FGF14: variants seen among roughly 807,000 people sequenced by gnomAD.
The protein encoded by FGF14 is fibroblast growth factor homologous factor 4.
A neutral mutation model predicts 25.5 loss-of-function variants in FGF14; 5 were observed. The observed-to-expected ratio is 0.20, with a 90% CI of 0.10 to 0.41. FGF14 has a LOEUF of 0.41. FGF14 is among the 10% of genes least tolerant of loss of function. The probability of loss-of-function intolerance (pLI) is 1.00; values close to 1 mark genes in which losing one functional copy is unlikely to be tolerated. For synonymous variants in FGF14, 138 were observed against 118.3 expected, an observed-to-expected ratio of 1.17 and a Z score of -1.08; for missense variants, 222 against 320.1, an observed-to-expected ratio of 0.69 and a Z score of 2.34.
chr13:102,371,865 G>A (rs1233144806), intron 1 of FGF14, among the ~76,000 whole-genome samples: 1 of 151,998 alleles, frequency 6.6e-6, no homozygotes, highest in Non-Finnish European at 1.5e-5. Flanking sequence ...TTTAAACAAA[G>A]AATAATCAAA....
At chr13:102,240,858 C>A (rs1234536180) in intron 1 of FGF14, among the ~76,000 whole-genome samples, 1 of 151,998 alleles carries the variant, frequency 6.6e-6, no homozygotes, top group Non-Finnish European at 1.5e-5. Context: ...TTTTTACCCT[C>A]TTATTTAAAA....
chr13:101,840,230 T>C (rs946935429), intron 3 of FGF14, among the ~76,000 whole-genome samples: 1 of 151,968 alleles, frequency 6.6e-6, no homozygotes, highest in Admixed American at 6.6e-5. Context: ...TATAAACTAG[T>C]TTTCAGTTAT....
At chr13:102,217,536 C>T (rs73565602) in intron 1 of FGF14, among the ~76,000 whole-genome samples, 4,727 of 152,184 alleles carry the variant, frequency 0.031, 244 homozygotes, top group African/African-American at 0.11. Flanking sequence ...GATGAATAGG[C>T]ATTTCAATGC....
intron 2 of FGF14, among the ~76,000 whole-genome samples, chr13:101,870,879 G>A (rs760893293): frequency 1.8e-4 from 28 of 152,050 alleles, no homozygotes; most frequent in Non-Finnish European, 3.4e-4. Flanking sequence ...CTTGAACCTG[G>A]GAGGTGAAGG....
intron 1 of FGF14, among the ~76,000 whole-genome samples, chr13:101,899,871 A>T (rs533664430): frequency 6.6e-6 from 1 of 152,118 alleles, no homozygotes; most frequent in South Asian, 2.1e-4. Flanking sequence ...AAAGTAAATT[A>T]AAAAATAAAA....
intron 1 of FGF14, among the ~76,000 whole-genome samples, chr13:102,325,161 T>C (rs1193021132): frequency 6.6e-6 from 1 of 151,660 alleles, no homozygotes; most frequent in African/African-American, 2.4e-5. Flanking sequence ...AGCTGTCAAA[T>C]AGCCTACAGA....
intron 1 of FGF14, among the ~76,000 whole-genome samples, chr13:102,058,322 C>T (rs1566630571): frequency 1.3e-5 from 2 of 152,314 alleles, no homozygotes; most frequent in East Asian, 1.9e-4. Context: ...AAAATCTAAA[C>T]ACATTCTCCC....
intron 1 of FGF14, among the ~76,000 whole-genome samples, chr13:102,012,493 T>C (rs762992864): frequency 6.6e-6 from 1 of 152,090 alleles, no homozygotes; most frequent in African/African-American, 2.4e-5. Flanking sequence ...CCAAAGCTTG[T>C]CATTTGGGGG....
At chr13:102,236,395 T>G (rs1406230717) in intron 1 of FGF14, among the ~76,000 whole-genome samples, 2 of 152,138 alleles carry the variant, frequency 1.3e-5, no homozygotes, top group Non-Finnish European at 2.9e-5. Context: ...TTCAACAGAC[T>G]CAGGAAGACT....
chr13:102,113,545 T>C lies in FGF14; in HGVS notation c.209-238249A>G, dbSNP rs72665312. Among the ~76,000 whole-genome samples the C allele has an allele frequency of 5.5e-3, 842 of 152,358 alleles. 4 individuals are homozygous for C. Among genetic ancestry groups the C allele is most frequent in the Non-Finnish European group, 6.8e-3 (462 of 68,032 alleles). On this transcript the variant is annotated intron_variant, in intron 1 of 4. Coordinates refer to the FGF14 transcript ENST00000376131. ...GTTGTCAATATATCTATATTCTACA[T>C]TGACTCCACCTAAAACTTTGAGTTA... is the stretch of plus-strand genomic sequence containing the variant.
At chr13:101,926,324 A>G (rs559900902) in intron 1 of FGF14, among the ~76,000 whole-genome samples, 5 of 152,198 alleles carry the variant, frequency 3.3e-5, no homozygotes, top group Non-Finnish European at 5.9e-5. Flanking sequence ...TCCTACCAAC[A>G]TAATTTTTTA....
chr13:102,307,600 T>C (rs2055465139), intron 1 of FGF14, among the ~76,000 whole-genome samples: 1 of 152,200 alleles, frequency 6.6e-6, no homozygotes, highest in African/African-American at 2.4e-5. Context: ...GTACTTGTTA[T>C]TGTACTAAGT....
At chr13:102,353,669 C>A (rs1420139407) in intron 1 of FGF14, among the ~76,000 whole-genome samples, 2 of 152,168 alleles carry the variant, frequency 1.3e-5, no homozygotes, top group South Asian at 4.1e-4. Context: ...TCCATCCTCA[C>A]TTCCTGGACC....
chr13:102,249,597 T>C (rs1199917478), intron 1 of FGF14, among the ~76,000 whole-genome samples: 1 of 151,788 alleles, frequency 6.6e-6, no homozygotes, highest in East Asian at 1.9e-4. Context: ...CATGGGCGCA[T>C]GCACATTTGA....
At chr13:102,166,054 A>G (rs1220433386) in intron 1 of FGF14, among the ~76,000 whole-genome samples, 1 of 151,566 alleles carries the variant, frequency 6.6e-6, no homozygotes, top group Admixed American at 6.6e-5. Flanking sequence ...CATCTTCCCA[A>G]CCAGAAACTC....
chr13:102,037,166 C>T (rs16951725), intron 1 of FGF14, among the ~76,000 whole-genome samples: 3,724 of 152,116 alleles, frequency 0.024, 172 homozygotes, highest in African/African-American at 0.085. Flanking sequence ...AAGGTATATC[C>T]TATAGTTCTA....
intron 1 of FGF14, among the ~76,000 whole-genome samples, chr13:102,259,469 T>C (rs2052610454): frequency 6.6e-6 from 1 of 152,216 alleles, no homozygotes; most frequent in Admixed American, 6.5e-5. Context: ...GCAACCTTGG[T>C]TCTCCAGTCC....
intron 3 of FGF14, among the ~76,000 whole-genome samples, chr13:101,865,868 T>A (rs766094058): frequency 2.6e-5 from 4 of 152,142 alleles, no homozygotes; most frequent in Non-Finnish European, 5.9e-5. Flanking sequence ...AAAAATTAAA[T>A]TAACTTTTTA....
intron 3 of FGF14, among the ~76,000 whole-genome samples, chr13:101,839,202 T>A (rs2043080521): frequency 6.6e-6 from 1 of 152,036 alleles, no homozygotes; most frequent in African/African-American, 2.4e-5. Flanking sequence ...ACATGCAATT[T>A]TAATATACTC....
Sources: gnomAD v4.1 joint callset for allele counts (sites outside exome capture counted in the v4.1 genomes callset) on GRCh38, gnomAD v4.1.1 for gene constraint, MANE v1.5 for transcripts, NCBI Gene and HGNC (gene_info 2026-07-23, HGNC 2026-07-21) for gene names.